MYO10: variants seen among roughly 807,000 people sequenced by gnomAD.
The protein encoded by MYO10 is unconventional myosin-X.
Under a neutral mutation model 257.3 loss-of-function variants are expected in MYO10, and 133 were observed. The observed-to-expected ratio is 0.52, with a 90% CI of 0.45 to 0.60. The LOEUF is 0.60. MYO10 is among the 20% of genes least tolerant of loss of function. The pLI is 0.00. For missense variants in MYO10, 2,399 were observed against 2,635.7 expected, an observed-to-expected ratio of 0.91 and a Z score of 1.97; for synonymous variants, 1,104 against 1,028.6, an observed-to-expected ratio of 1.07 and a Z score of -1.40.
chr5:16,672,897 C>A, intron 36 of MYO10, 72 bp from the exon 37 acceptor site: 1 of 1,525,322 alleles, frequency 6.6e-7, no homozygotes. Flanking sequence ...AACGTGCCAT[C>A]ACCTGATCCC....
chr5:16,698,985 A>C (rs1737898883), intron 26 of MYO10, among the ~76,000 whole-genome samples: 1 of 152,118 alleles, frequency 6.6e-6, no homozygotes, highest in Non-Finnish European at 1.5e-5. Flanking sequence ...AGCAACACAC[A>C]CATTGGTTTG....
chr5:16,667,477 G>A (rs1269622132), intron 40 of MYO10, among the ~76,000 whole-genome samples: 1 of 152,120 alleles, frequency 6.6e-6, no homozygotes, highest in Non-Finnish European at 1.5e-5. Context: ...TAAATTCACT[G>A]TTATGCCATG....
chr5:16,812,145 GC>G (rs1196480365), intron 3 of MYO10, among the ~76,000 whole-genome samples: 1 of 152,206 alleles, frequency 6.6e-6, no homozygotes, highest in Non-Finnish European at 1.5e-5. Flanking sequence ...GAAACCTGGG[GC>G]CCCTGGCTGG....
intron 19 of MYO10, among the ~76,000 whole-genome samples, chr5:16,733,579 G>C (rs1739671198): frequency 6.6e-6 from 1 of 151,538 alleles, no homozygotes; most frequent in East Asian, 1.9e-4. Flanking sequence ...GGTGGGAAGA[G>C]GGTATTGGTG....
chr5:16,897,726 G>T (rs915611709), intron 1 of MYO10, among the ~76,000 whole-genome samples: 2 of 152,152 alleles, frequency 1.3e-5, no homozygotes, highest in African/African-American at 4.8e-5. Flanking sequence ...AGCTCTCCCT[G>T]CGGGTGTGCC....
intron 26 of MYO10, among the ~76,000 whole-genome samples, chr5:16,695,979 C>T (rs985111553): frequency 2.6e-5 from 4 of 152,140 alleles, no homozygotes; most frequent in African/African-American, 4.8e-5. Context: ...CAGAATGAAA[C>T]ATTATTAGTG....
At chr5:16,784,839 T>C (rs1326203676) in intron 4 of MYO10, among the ~76,000 whole-genome samples, 1 of 152,178 alleles carries the variant, frequency 6.6e-6, no homozygotes, top group Non-Finnish European at 1.5e-5. Context: ...GACGCCAACA[T>C]GCCGGGCTGG....
At chr5:16,773,767 A>G (rs1324093430) in intron 9 of MYO10, among the ~76,000 whole-genome samples, 2 of 152,130 alleles carry the variant, frequency 1.3e-5, no homozygotes, top group East Asian at 3.9e-4. Context: ...AAGTTCTAAA[A>G]AAAAATACAA....
intron 4 of MYO10, among the ~76,000 whole-genome samples, chr5:16,786,177 G>A (rs970296923): frequency 1.6e-4 from 25 of 152,212 alleles, no homozygotes; most frequent in African/African-American, 5.8e-4. Context: ...AGATTTGATG[G>A]CTGTCTGTCA....
chr5:16,815,510 A>C, intron 3 of MYO10: 1 of 691,996 alleles, frequency 1.4e-6, no homozygotes, highest in Non-Finnish European at 2.6e-6. Context: ...CCAGGTTCAC[A>C]TTTTATCAAC....
At chr5:16,865,836 G>A (rs200141870) in intron 2 of MYO10, among the ~76,000 whole-genome samples, 2 of 103,396 alleles carry the variant, frequency 1.9e-5, no homozygotes, top group Non-Finnish European at 2.0e-5. Context: ...AATAATAATA[G>A]TAAAAAATAA....
chr5:16,840,274 T>C (rs778209850), intron 2 of MYO10, among the ~76,000 whole-genome samples: 1 of 152,140 alleles, frequency 6.6e-6, no homozygotes, highest in African/African-American at 2.4e-5. Flanking sequence ...TAGCCAGGCA[T>C]GGTGGTGCAC....
chr5:16,840,724 C>T (rs1024368954), intron 2 of MYO10, among the ~76,000 whole-genome samples: 4 of 146,684 alleles, frequency 2.7e-5, no homozygotes, highest in African/African-American at 1.1e-4. Context: ...GCAATATGCA[C>T]AACAAAAATA....
At chr5:16,761,964 T>C (rs1740725248) in intron 16 of MYO10, 81 bp downstream of exon 16, 6 of 1,384,272 alleles carry the variant, frequency 4.3e-6, no homozygotes, top group Non-Finnish European at 4.8e-6. Context: ...GCCCAATAAA[T>C]TCATGATTGG....
chr5:16,760,330 G>A (rs1312147653), intron 17 of MYO10, among the ~76,000 whole-genome samples: 4 of 151,052 alleles, frequency 2.6e-5, no homozygotes, highest in South Asian at 2.1e-4. Context: ...GCGTGGTGGC[G>A]GGCACCTGTA....
chr5:16,914,658 A>G (rs543762760), intron 1 of MYO10, among the ~76,000 whole-genome samples: 2 of 152,356 alleles, frequency 1.3e-5, no homozygotes, highest in Admixed American at 1.3e-4. Flanking sequence ...TACCCCAGAC[A>G]TGAAAATAAC....
At chr5:16,722,829 T>C (rs1188829904) in intron 19 of MYO10, among the ~76,000 whole-genome samples, 1 of 152,208 alleles carries the variant, frequency 6.6e-6, no homozygotes, top group African/African-American at 2.4e-5. Context: ...AATAGATGTG[T>C]AGGATTTCAT....
At chr5:16,934,100 C>A (rs74477475) in intron 1 of MYO10, among the ~76,000 whole-genome samples, 1,899 of 152,324 alleles carry the variant, frequency 0.012, 38 homozygotes, top group African/African-American at 0.044. Flanking sequence ...AATCCAACAA[C>A]CAGGCCCCTT....
chr5:16,706,321 A>G (rs1738339552), intron 21 of MYO10, among the ~76,000 whole-genome samples: 1 of 152,204 alleles, frequency 6.6e-6, no homozygotes, highest in African/African-American at 2.4e-5. Context: ...ACACACACAC[A>G]CACTCTGTTG....
Sources: gnomAD v4.1 joint callset for allele counts (sites outside exome capture counted in the v4.1 genomes callset) on GRCh38, gnomAD v4.1.1 for gene constraint, MANE v1.5 for transcripts, NCBI Gene and HGNC (gene_info 2026-07-23, HGNC 2026-07-21) for gene names.